The following IPO11 variants were observed in gnomAD, a reference collection of about 807,000 sequenced individuals.
The protein encoded by IPO11 is importin 11.
In IPO11, 66 loss-of-function variants were observed where a neutral mutation model predicts 143.2. That is an observed-to-expected ratio of 0.46 (90% CI 0.38 to 0.57). The LOEUF (loss-of-function observed/expected upper bound fraction) is 0.57. Among genes scored for constraint, IPO11 ranks in the 20% least tolerant of loss-of-function variants. The pLI is 0.00. For synonymous variants in IPO11, 385 were observed against 377.8 expected, an observed-to-expected ratio of 1.02 and a Z score of -0.22; for missense variants, 1,026 against 1,141.0, an observed-to-expected ratio of 0.90 and a Z score of 1.45.
intron 1 of IPO11, chr5:62,418,995 A>T: frequency 1.9e-6 from 3 of 1,547,404 alleles, no homozygotes; most frequent in Non-Finnish European, 2.6e-6. Flanking sequence ...TTCTATGAAC[A>T]TCATATGAAC....
At position 62,578,802 on chromosome 5, in the gene IPO11, A is replaced by C. The variant is rs10066921; in HGVS notation, c.2583-12775A>C. On this transcript the variant is annotated intron_variant, in intron 27 of 29. Coordinates refer to ENST00000325324, the MANE Select transcript of IPO11 (RefSeq NM_016338.5). ...GAGCAAACGGTGACTTAAAAAAAAA[A>C]AAAAAAAAGTGGTGGGGTGGAGGTC... 8.8e-3 allele frequency: 3,835 copies of C among 435,894 alleles called. 124 individuals are homozygous for C. Among genetic ancestry groups the C allele is most frequent in the African/African-American group, 0.072 (3,505 of 48,354 alleles). The allele number at this position is 435,894 out of a possible 1,614,324, so 27.0% of individuals were successfully genotyped here.
chr5:62,461,930 G>A (rs929268882), intron 5 of IPO11, among the ~76,000 whole-genome samples: 52 of 152,116 alleles, frequency 3.4e-4, no homozygotes, highest in Non-Finnish European at 2.8e-4. Flanking sequence ...TGAGCATCGT[G>A]CTGGTACTCA....
chr5:62,458,638 T>C (rs1164417664), intron 5 of IPO11, among the ~76,000 whole-genome samples: 1 of 152,160 alleles, frequency 6.6e-6, no homozygotes, highest in African/African-American at 2.4e-5. Context: ...AAAGAGTGAC[T>C]CTCTTAAAGG....
chr5:62,538,085 A>G (rs987547319), intron 24 of IPO11, among the ~76,000 whole-genome samples: 3 of 152,206 alleles, frequency 2.0e-5, no homozygotes, highest in East Asian at 3.8e-4. Flanking sequence ...GTTCTCAGCT[A>G]TGTTCTAAGA....
intron 27 of IPO11, among the ~76,000 whole-genome samples, chr5:62,588,975 T>A (rs1398735678): frequency 1.4e-5 from 2 of 144,256 alleles, no homozygotes; most frequent in African/African-American, 4.9e-5. Context: ...GGAGGAAAAT[T>A]CAAAATGCAG....
At chr5:62,586,763 AAAAAAATATAT>A (rs1253654778) in intron 27 of IPO11, among the ~76,000 whole-genome samples, 5 of 90,574 alleles carry the variant, frequency 5.5e-5, no homozygotes, top group East Asian at 5.6e-4. Context: ...AAAAAAAAAA[AAAAAAATATAT>A]ATATATATAT....
At chr5:62,462,511 C>T (rs1226426995) in intron 5 of IPO11, among the ~76,000 whole-genome samples, 1 of 151,714 alleles carries the variant, frequency 6.6e-6, no homozygotes, top group African/African-American at 2.4e-5. Context: ...CAGTTTTGCC[C>T]CTTTGCTACC....
chr5:62,470,111 G>A (rs1422975217), intron 6 of IPO11, 139 bp from the exon 7 acceptor site: 1 of 721,552 alleles, frequency 1.4e-6, no homozygotes, highest in East Asian at 2.7e-5. Flanking sequence ...TAATTTCCCA[G>A]CCAAATGACC....
At chr5:62,443,382 AGTGTGTGTGTGTGTGTGTGT>A (rs4024083) in intron 3 of IPO11, 124 of 159,546 alleles carry the variant, frequency 7.8e-4, no homozygotes, top group Middle Eastern at 2.9e-3. Flanking sequence ...TTTCCATTTG[AGTGTGTGTGTGTGTGTGTGT>A]GTGTGTGTGT....
intron 26 of IPO11, among the ~76,000 whole-genome samples, chr5:62,555,961 T>C (rs1743562982): frequency 6.6e-6 from 1 of 152,234 alleles, no homozygotes; most frequent in Non-Finnish European, 1.5e-5. Flanking sequence ...CCTTCAGTTT[T>C]TTTTTAATCT....
At chr5:62,581,010 G>A (rs1744536222) in intron 27 of IPO11, 1 of 1,551,114 alleles carries the variant, frequency 6.4e-7, no homozygotes, top group Admixed American at 2.0e-5. Flanking sequence ...TTGAGAAGTT[G>A]AATGAGGCTT....
chr5:62,504,934 A>G lies in IPO11; in HGVS notation c.1665+36A>G, dbSNP rs1462645749. Reference sequence around the variant, plus strand: ...ACATTTCCAGGTATTTTTTTTAAAAAACAATTTCTGCTTATGTCTTTGAAT... The same window carrying G: ...ACATTTCCAGGTATTTTTTTTAAAAGACAATTTCTGCTTATGTCTTTGAAT... On this transcript the variant is annotated intron_variant, in intron 18 of 29. Transcript: ENST00000325324. The G allele has an allele frequency of 8.9e-6, 11 of 1,240,868 alleles. No homozygotes were observed. In the East Asian group the frequency reaches 2.6e-4, roughly 30 times the overall value. 76.9% of individuals were successfully genotyped at this position (1,240,868 alleles called of 1,614,324 possible).
intron 26 of IPO11, among the ~76,000 whole-genome samples, chr5:62,551,900 T>C (rs1454175728): frequency 6.6e-6 from 1 of 152,010 alleles, no homozygotes; most frequent in Non-Finnish European, 1.5e-5. Context: ...CTGAGGTGGG[T>C]GGATCACGAG....
At chr5:62,614,015 CTT>C (rs1746029550) in intron 29 of IPO11, among the ~76,000 whole-genome samples, 1 of 152,212 alleles carries the variant, frequency 6.6e-6, no homozygotes, top group Non-Finnish European at 1.5e-5. Flanking sequence ...CTATGACAGA[CTT>C]TAAAACAGCT....
rs1397762459 is a variant in IPO11, at chr5:62,551,213, A to T, written c.2347-10A>T. 6.9e-7 allele frequency: 1 copy of T among 1,455,670 alleles called. No individual in the cohort carries two copies. Among genetic ancestry groups the T allele is most frequent in the African/African-American group, 1.4e-5 (1 of 71,598 alleles). The allele number at this position is 1,455,670 out of a possible 1,614,324, so 90.2% of individuals were successfully genotyped here. On this transcript the variant is annotated splice_polypyrimidine_tract_variant and intron_variant, in intron 25 of 29. Transcript: ENST00000325324. Reference sequence around the variant, plus strand: ...CACAATTTTACATGTGTTGTATTTTAATTGTACAGAGGTATCCTGTAGTGA... The same window carrying T: ...CACAATTTTACATGTGTTGTATTTTTATTGTACAGAGGTATCCTGTAGTGA...
At chr5:62,517,176 C>T (rs1742052034) in intron 20 of IPO11, among the ~76,000 whole-genome samples, 1 of 147,944 alleles carries the variant, frequency 6.8e-6, no homozygotes, top group African/African-American at 2.5e-5. Context: ...CTAGCCTGGG[C>T]GACAGAGCAA....
chr5:62,558,213 TA>T (rs1743642215), intron 26 of IPO11, among the ~76,000 whole-genome samples: 1 of 152,232 alleles, frequency 6.6e-6, no homozygotes, highest in African/African-American at 2.4e-5. Context: ...AATTTTACTG[TA>T]AAAAATTGAG....
intron 26 of IPO11, among the ~76,000 whole-genome samples, chr5:62,555,479 A>ATTATTTACTTAT (rs1743543511): frequency 7.3e-6 from 1 of 137,188 alleles, no homozygotes; most frequent in African/African-American, 2.8e-5. Flanking sequence ...CACCTGGCTA[A>ATTATTTACTTAT]TTATTTATTT....
intron 28 of IPO11, among the ~76,000 whole-genome samples, chr5:62,594,008 C>A (rs1745125308): frequency 6.6e-6 from 1 of 152,106 alleles, no homozygotes; most frequent in Non-Finnish European, 1.5e-5. Context: ...CTTTCAACTT[C>A]CCCTTCCTGT....
Sources: gnomAD v4.1 joint callset for allele counts (sites outside exome capture counted in the v4.1 genomes callset) on GRCh38, gnomAD v4.1.1 for gene constraint, MANE v1.5 for transcripts, NCBI Gene and HGNC (gene_info 2026-07-23, HGNC 2026-07-21) for gene names.